Variants in DPF3 observed in about 807,000 individuals in gnomAD.
DPF3 encodes the protein double PHD fingers 3.
In DPF3, 18 loss-of-function variants were observed where a neutral mutation model predicts 56.8. The observed-to-expected ratio is 0.32, with a 90% CI of 0.22 to 0.47. The LOEUF (loss-of-function observed/expected upper bound fraction) is 0.47, where lower values mean the gene tolerates loss of function less well. DPF3 is among the 20% of genes least tolerant of loss of function. The probability of loss-of-function intolerance (pLI) is 1.00; values close to 1 mark genes in which losing one functional copy is unlikely to be tolerated. For missense variants in DPF3, 403 were observed against 488.8 expected (o/e 0.82, Z 1.65); for synonymous variants, 188 against 180.2 (o/e 1.04, Z -0.35).
intron 1 of DPF3, among the ~76,000 whole-genome samples, chr14:72,798,254 C>CAAAAAA (rs35648169): frequency 2.6e-4 from 14 of 53,946 alleles, no homozygotes; most frequent in African/African-American, 5.7e-4. Flanking sequence ...GCCTTCATCT[C>CAAAAAA]AAAAAAAAAA....
At chr14:72,778,031 T>C (rs542207512) in intron 1 of DPF3, among the ~76,000 whole-genome samples, 2 of 152,200 alleles carry the variant, frequency 1.3e-5, no homozygotes, top group East Asian at 3.9e-4. Flanking sequence ...ATGAGCAAGC[T>C]CTCTCACTCT....
At chr14:72,865,193 C>A (rs1885614162) in intron 1 of DPF3, among the ~76,000 whole-genome samples, 1 of 152,118 alleles carries the variant, frequency 6.6e-6, no homozygotes, top group Admixed American at 6.6e-5. Context: ...ATGCCAGGTC[C>A]CAGGCATTTA....
chr14:72,682,669 A>G (rs1440630799), intron 7 of DPF3, among the ~76,000 whole-genome samples: 1 of 152,220 alleles, frequency 6.6e-6, no homozygotes, highest in African/African-American at 2.4e-5. Flanking sequence ...GCCGTATTTA[A>G]GAAAAGGGAA....
At chr14:72,622,330 A>G (rs780349779) in intron 9 of DPF3, among the ~76,000 whole-genome samples, 2 of 152,210 alleles carry the variant, frequency 1.3e-5, no homozygotes, top group African/African-American at 2.4e-5. Context: ...AGGAACAGTC[A>G]GAGAGGTGGG....
chr14:72,612,604 A>G lies in DPF3; in HGVS notation c.*6693T>C, dbSNP rs774139937. The G allele has an allele frequency of 2.5e-5, 13 of 518,774 alleles. No individual in the cohort carries two copies. Among genetic ancestry groups the G allele is most frequent in the African/African-American group, 5.8e-5 (3 of 51,902 alleles). The allele number at this position is 518,774 out of a possible 1,614,324, so 32.1% of individuals were successfully genotyped here. On this transcript the variant is annotated 3_prime_UTR_variant, in exon 11 of 11. Transcript: ENST00000556509. ...GGAGGAAACAGTGCAGGGAAGGGAG[A>G]GGGCAGGAGGAGAATCAGGGTCTCA...
At position 72,752,622 on chromosome 14, in the gene DPF3, A is replaced by G. The variant is rs138983297; in HGVS notation, c.301+642T>C. 3.0e-3 allele frequency among the ~76,000 whole-genome samples: 453 copies of G among 152,258 alleles called. 2 individuals carry two copies. The highest frequency in any genetic ancestry group is 0.01 in the African/African-American group (435 of 41,538). Reference sequence around the variant, plus strand: ...AGTCTGCAGTGAGCCGAGATTGCACAACTGCACTCCAGCCTGGGCAACAAA... The same window carrying G: ...AGTCTGCAGTGAGCCGAGATTGCACGACTGCACTCCAGCCTGGGCAACAAA... On this transcript the variant is annotated intron_variant, in intron 3 of 10. Transcript: ENST00000556509.
At chr14:72,797,904 G>T (rs1184457557) in intron 1 of DPF3, among the ~76,000 whole-genome samples, 1 of 152,048 alleles carries the variant, frequency 6.6e-6, no homozygotes, top group African/African-American at 2.4e-5. Flanking sequence ...AACCTCACAG[G>T]GTTGTTGTAG....
chr14:72,749,681 C>CCCATGCTG (rs1375245678), intron 3 of DPF3, among the ~76,000 whole-genome samples: 1 of 152,084 alleles, frequency 6.6e-6, no homozygotes, highest in Non-Finnish European at 1.5e-5. Flanking sequence ...GTGGGTCTTT[C>CCCATGCTG]CCATGCTGTT....
chr14:72,724,546 A>T (rs1212112916), intron 4 of DPF3, among the ~76,000 whole-genome samples: 1 of 151,310 alleles, frequency 6.6e-6, no homozygotes, highest in Non-Finnish European at 1.5e-5. Context: ...TAAGCACGTC[A>T]CTCCCTTTAG....
chr14:72,619,489 C>G (rs1340067620), intron 10 of DPF3, 122 bp from the exon 11 acceptor site: 4 of 1,136,098 alleles, frequency 3.5e-6, no homozygotes, highest in Non-Finnish European at 5.0e-6. Context: ...AAACCAAGTC[C>G]CAGGCCTGAA....
rs555375995 is a variant in DPF3 at position 72,746,411 on chromosome 14, C to T, written c.301+6853G>A. ...ACATTCTGGGAGCCAGGTGCAGCCCCGGCTGTTCAGACTCAGAAGAGGATT... is the reference window on the plus strand; with the variant it reads ...ACATTCTGGGAGCCAGGTGCAGCCCTGGCTGTTCAGACTCAGAAGAGGATT... On this transcript the variant is annotated intron_variant, in intron 3 of 10. Transcript: ENST00000556509. Among the ~76,000 whole-genome samples, 19 of 152,332 alleles carry T rather than the reference C, an allele frequency of 1.2e-4. No individual in the cohort carries two copies. The East Asian group carries it at 3.1e-3, about 25-fold the overall frequency.
intron 5 of DPF3, among the ~76,000 whole-genome samples, chr14:72,718,798 C>G (rs1889045787): frequency 3.5e-5 from 1 of 28,428 alleles, no homozygotes; most frequent in African/African-American, 1.8e-4. Context: ...GACGGAGTCA[C>G]TCTGTCATGC....
chr14:72,700,963 CT>C (rs1888133950), intron 6 of DPF3, among the ~76,000 whole-genome samples: 1 of 152,226 alleles, frequency 6.6e-6, no homozygotes, highest in East Asian at 1.9e-4. Context: ...TATTTCTCCT[CT>C]GAAGTCTGGA....
chr14:72,661,487 G>A (rs1270516015), intron 8 of DPF3: 1 of 985,466 alleles, frequency 1.0e-6, no homozygotes, highest in Non-Finnish European at 1.2e-6. Flanking sequence ...AAACCCAAGA[G>A]CATGGCTGTG....
At chr14:72,830,438 T>C (rs1226247220) in intron 1 of DPF3, among the ~76,000 whole-genome samples, 1 of 152,212 alleles carries the variant, frequency 6.6e-6, no homozygotes, top group East Asian at 1.9e-4. Context: ...AACAAGAGAC[T>C]CAGAGGTGAA....
intron 2 of DPF3, among the ~76,000 whole-genome samples, chr14:72,765,340 G>T (rs1891235999): frequency 6.6e-6 from 1 of 152,170 alleles, no homozygotes; most frequent in South Asian, 2.1e-4. Context: ...AAAGAGCTTG[G>T]CAGTTTCTTT....
intron 8 of DPF3, among the ~76,000 whole-genome samples, chr14:72,658,869 T>C (rs1278822691): frequency 6.6e-6 from 1 of 152,222 alleles, no homozygotes; most frequent in Non-Finnish European, 1.5e-5. Flanking sequence ...CAAAGCCATC[T>C]AAGTGTGCCC....
At chr14:72,722,113 C>A (rs1383922090) in intron 5 of DPF3, among the ~76,000 whole-genome samples, 1 of 152,120 alleles carries the variant, frequency 6.6e-6, no homozygotes, top group Non-Finnish European at 1.5e-5. Flanking sequence ...ATAATGATAT[C>A]TGTTAAAGAC....
chr14:72,626,972 G>T (rs1884874172), intron 9 of DPF3, among the ~76,000 whole-genome samples: 1 of 148,590 alleles, frequency 6.7e-6, no homozygotes, highest in Non-Finnish European at 1.5e-5. Flanking sequence ...TATCTTTTGT[G>T]GGTTGTCTTT....
Sources: allele counts gnomAD v4.1 joint callset (sites outside exome capture counted in the v4.1 genomes callset), GRCh38; gene constraint gnomAD v4.1.1; transcripts MANE v1.5; gene names NCBI Gene and HGNC (gene_info 2026-07-23, HGNC 2026-07-21).